The following SGCD variants were observed in gnomAD, a reference collection of about 807,000 sequenced individuals.
SGCD encodes the protein sarcoglycan delta, also known as delta-sarcoglycan.
SGCD carries 18 observed loss-of-function variants against 36.6 expected under a neutral mutation model. The observed-to-expected ratio is 0.49, with a 90% CI of 0.34 to 0.73. The LOEUF is 0.73. Among genes scored for constraint, SGCD ranks in the 30% least tolerant of loss-of-function variants. The probability of loss-of-function intolerance (pLI) is 0.01; values close to 1 mark genes in which losing one functional copy is unlikely to be tolerated. For synonymous variants in SGCD, 133 were observed against 130.6 expected, an observed-to-expected ratio of 1.02 and a Z score of -0.12; for missense variants, 387 against 346.7, an observed-to-expected ratio of 1.12 and a Z score of -0.92.
intron 4 of SGCD, among the ~76,000 whole-genome samples, chr5:156,547,334 A>G (rs1758615176): frequency 6.6e-6 from 1 of 152,152 alleles, no homozygotes; most frequent in East Asian, 1.9e-4. Context: ...CCACATATCC[A>G]TCGGGGGACA....
At chr5:156,621,659 A>G (rs1198342618) in intron 6 of SGCD, among the ~76,000 whole-genome samples, 1 of 152,248 alleles carries the variant, frequency 6.6e-6, no homozygotes, top group Non-Finnish European at 1.5e-5. Context: ...AGGATTAATT[A>G]ATCAGTCCAA....
chr5:156,195,918 T>G (rs1014969722), intron 3 of SGCD, among the ~76,000 whole-genome samples: 2 of 152,206 alleles, frequency 1.3e-5, no homozygotes, highest in Non-Finnish European at 2.9e-5. Flanking sequence ...ACTTTCCATC[T>G]TATTCCCATA....
intron 7 of SGCD, among the ~76,000 whole-genome samples, chr5:156,690,476 G>A (rs1754067038): frequency 6.6e-6 from 1 of 152,088 alleles, no homozygotes; most frequent in African/African-American, 2.4e-5. Flanking sequence ...TTTGTATGCT[G>A]GTGAGTTGTT....
At chr5:155,767,955 A>T in the SGCD span, among the ~76,000 whole-genome samples, 2 of 152,214 alleles carry the variant, frequency 1.3e-5, no homozygotes, top group Non-Finnish European at 2.9e-5. Context: ...TGCATCAGTC[A>T]TATGTATTAT....
rs138551020 is a variant in SGCD, at chr5:156,085,955, G to A, written c.-281-31923G>A. 4.6e-3 allele frequency among the ~76,000 whole-genome samples: 701 copies of A among 152,278 alleles called. 4 individuals carry two copies. The highest frequency in any genetic ancestry group is 0.013 in the African/African-American group (521 of 41,574). ...TTGTTTCCATTTGTTTCCCATGTTT[G>A]TCTCTTCTTGTTTTCCTACAAGATA... is the stretch of plus-strand genomic sequence containing the variant. On this transcript the variant is annotated intron_variant, in intron 1 of 9. Coordinates refer to the SGCD transcript ENST00000517913.
At chr5:156,500,389 C>T (rs986709352) in intron 3 of SGCD, among the ~76,000 whole-genome samples, 1 of 152,118 alleles carries the variant, frequency 6.6e-6, no homozygotes, top group Non-Finnish European at 1.5e-5. Flanking sequence ...CTACTGCAAT[C>T]TGTATATAAT....
intron 3 of SGCD, among the ~76,000 whole-genome samples, chr5:156,463,571 G>A (rs1224583134): frequency 6.6e-6 from 1 of 152,078 alleles, no homozygotes; most frequent in African/African-American, 2.4e-5. Flanking sequence ...AGGTATGGAT[G>A]GCTAAAAGGA....
At chr5:156,256,272 A>G (rs925348599) in intron 3 of SGCD, among the ~76,000 whole-genome samples, 1 of 152,240 alleles carries the variant, frequency 6.6e-6, no homozygotes, top group Admixed American at 6.5e-5. Flanking sequence ...GAGAATTTAT[A>G]GACTCAAAAC....
chr5:155,808,993 A>T, the SGCD span, among the ~76,000 whole-genome samples: 2 of 152,010 alleles, frequency 1.3e-5, no homozygotes, highest in Non-Finnish European at 2.9e-5. Flanking sequence ...AGCTACTGCC[A>T]GTCAACGTCT....
chr5:156,589,527 A>G (rs2113370349), intron 5 of SGCD, among the ~76,000 whole-genome samples: 1 of 152,310 alleles, frequency 6.6e-6, no homozygotes, highest in East Asian at 1.9e-4. Context: ...AATGATACCT[A>G]CTTAGTGGGG....
At chr5:155,780,709 A>G in the SGCD span, among the ~76,000 whole-genome samples, 1 of 152,186 alleles carries the variant, frequency 6.6e-6, no homozygotes, top group Non-Finnish European at 1.5e-5. Context: ...TACACAGTTG[A>G]ATATGAATGA....
chr5:156,037,844 T>C (rs1759537795), intron 1 of SGCD, among the ~76,000 whole-genome samples: 1 of 152,172 alleles, frequency 6.6e-6, no homozygotes, highest in African/African-American at 2.4e-5. Flanking sequence ...AAAAAGCTCT[T>C]TGAAGAAACA....
chr5:156,271,731 A>T (rs1349203891), intron 3 of SGCD, among the ~76,000 whole-genome samples: 1 of 152,132 alleles, frequency 6.6e-6, no homozygotes, highest in Non-Finnish European at 1.5e-5. Context: ...TCCAAGGGAC[A>T]TGTCCCAGAG....
At chr5:156,601,903 G>A (rs1387927886) in intron 6 of SGCD, among the ~76,000 whole-genome samples, 3 of 152,062 alleles carry the variant, frequency 2.0e-5, no homozygotes, top group South Asian at 2.1e-4. Context: ...GGATGATCTC[G>A]ATCTCCTGAC....
At chr5:156,498,534 A>C (rs993401034) in intron 3 of SGCD, among the ~76,000 whole-genome samples, 3 of 152,116 alleles carry the variant, frequency 2.0e-5, no homozygotes, top group Non-Finnish European at 4.4e-5. Context: ...GTGGTCTTTT[A>C]TGTCTGTCTG....
At chr5:155,880,895 T>C (rs969035384) in intron 1 of SGCD, among the ~76,000 whole-genome samples, 4 of 152,242 alleles carry the variant, frequency 2.6e-5, no homozygotes, top group Admixed American at 2.6e-4. Flanking sequence ...TATTTCAAAA[T>C]TTTACTTCCA....
chr5:155,860,892 G>C, the SGCD span, among the ~76,000 whole-genome samples: 3 of 152,150 alleles, frequency 2.0e-5, no homozygotes, highest in African/African-American at 7.2e-5. Flanking sequence ...GAGCTCTAAA[G>C]TATAATGCAA....
rs150863899 is a variant in SGCD, at chr5:156,170,958, G to A, written c.-44+46939G>A. Among the ~76,000 whole-genome samples, 264 of 152,244 alleles carry A rather than the reference G, an allele frequency of 1.7e-3. 2 individuals are homozygous for A. Among genetic ancestry groups the A allele is most frequent in the African/African-American group, 6.0e-3 (249 of 41,556 alleles). On this transcript the variant is annotated intron_variant, in intron 3 of 9. Transcript: ENST00000517913. ...AATGTTGCCAGACACCATTCACTAC[G>A]TACATTTTTAGGTCATCTCCAAGCC...
chr5:155,996,503 C>T (rs1373694467), intron 1 of SGCD, among the ~76,000 whole-genome samples: 1 of 152,038 alleles, frequency 6.6e-6, no homozygotes, highest in Non-Finnish European at 1.5e-5. Context: ...AAGGGCCGGG[C>T]GCGGTGGCTC....
Sources: allele counts gnomAD v4.1 joint callset (sites outside exome capture counted in the v4.1 genomes callset), GRCh38; gene constraint gnomAD v4.1.1; transcripts MANE v1.5; gene names NCBI Gene and HGNC (gene_info 2026-07-23, HGNC 2026-07-21).